The following EPB41L3 variants were observed in gnomAD, a reference collection of about 807,000 sequenced individuals.
EPB41L3 encodes the protein band 4.1-like protein 3.
In EPB41L3, 57 loss-of-function variants were observed where a neutral mutation model predicts 127.1. The observed-to-expected ratio is 0.45, with a 90% CI of 0.36 to 0.56. The LOEUF is 0.56. Ranked by LOEUF, EPB41L3 falls within the 20% of genes least tolerant of loss-of-function variation. The pLI is 0.00. For synonymous variants in EPB41L3, 572 were observed against 549.5 expected (o/e 1.04, Z -0.57); for missense variants, 1,273 against 1,372.2 (o/e 0.93, Z 1.14).
At chr18:5,514,769 C>G (rs1251038447) in intron 1 of EPB41L3, among the ~76,000 whole-genome samples, 2 of 152,160 alleles carry the variant, frequency 1.3e-5, no homozygotes, top group Non-Finnish European at 1.5e-5. Context: ...ATGTTTCTCA[C>G]TCCATATGTT....
In EPB41L3 at chr18:5,577,413, G is replaced by A. The variant is rs1191574833; in HGVS notation, c.-306+34927C>T. On this transcript the variant is annotated intron_variant, in intron 3 of 21. Coordinates refer to the EPB41L3 transcript ENST00000545076. The stretch of plus-strand genomic sequence containing the variant: ...GCAGTGCAGCAATTTCAAAGTTACT[G>A]TAGCATTGACTCTCCGGCTTCTATT... 6.8e-6 allele frequency: 3 copies of A among 438,256 alleles called. 1 individual carries two copies. Among genetic ancestry groups the A allele is most frequent in the South Asian group, 3.3e-5 (2 of 60,562 alleles). 27.1% of individuals were successfully genotyped at this position (438,256 alleles called of 1,614,324 possible).
chr18:5,488,946 G>T, intron 2 of EPB41L3, 55 bp downstream of exon 2: 2 of 1,514,662 alleles, frequency 1.3e-6, no homozygotes, highest in Non-Finnish European at 1.7e-6. Context: ...GGTTAAAGCC[G>T]ATCCTGGAGC....
Position 5,434,016 on chromosome 18 carries a change from G to A in EPB41L3, c.711C>T (p.Leu237=), listed in dbSNP as rs1291316787. 5 of 1,613,934 alleles carry A rather than the reference G, an allele frequency of 3.1e-6. No individual in the cohort carries two copies. Among genetic ancestry groups the A allele is most frequent in the African/African-American group, 1.3e-5 (1 of 74,858 alleles). Residue 237 remains leucine, a synonymous_variant, in exon 7 of 23, where the codon CTC becomes CTT. Coordinates refer to ENST00000341928, the MANE Select transcript of EPB41L3 (RefSeq NM_012307.5). ...CACATTCATCTGGGTCATAGTCTCC[G>A]AGCTCTGACTGGACAGTGTAGGAGC... is the stretch of plus-strand genomic sequence containing the variant. The part of the protein sequence containing the change: ...LLGSYTVQSE[L]GDYDPDECGS...
intron 3 of EPB41L3, among the ~76,000 whole-genome samples, chr18:5,461,362 T>G (rs1259851224): frequency 3.3e-5 from 5 of 152,314 alleles, no homozygotes; most frequent in Non-Finnish European, 7.4e-5. Context: ...AAACCATCAC[T>G]TATGTCTATA....
chr18:5,455,354 T>C (rs2082881080), intron 3 of EPB41L3, among the ~76,000 whole-genome samples: 1 of 152,224 alleles, frequency 6.6e-6, no homozygotes, highest in South Asian at 2.1e-4. Context: ...AAAAATAGTA[T>C]TGATATTAGT....
intron 1 of EPB41L3, among the ~76,000 whole-genome samples, chr18:5,500,206 AAGAGG>A (rs1408551016): frequency 6.6e-6 from 1 of 152,194 alleles, no homozygotes; most frequent in African/African-American, 2.4e-5. Context: ...CTAAAATCAA[AAGAGG>A]AGAGAGAAAA....
intron 1 of EPB41L3, chr18:5,529,077 G>A (rs930063892): frequency 5.3e-5 from 8 of 152,192 alleles, no homozygotes; most frequent in Non-Finnish European, 8.8e-5. Context: ...TTAAACAGCT[G>A]TCATCACTGC....
At chr18:5,517,657 C>T (rs1384484385) in intron 1 of EPB41L3, among the ~76,000 whole-genome samples, 4 of 152,060 alleles carry the variant, frequency 2.6e-5, no homozygotes, top group African/African-American at 9.7e-5. Flanking sequence ...AGGCTAGTCT[C>T]GAACTCCTGA....
In EPB41L3 at chr18:5,416,216, C is replaced by T. The variant is rs1242135727; in HGVS notation, c.1669G>A (p.Asp557Asn). The T allele has an allele frequency of 1.2e-6, 2 of 1,614,168 alleles. No homozygotes were observed. The highest frequency in any genetic ancestry group is 1.7e-6 in the Non-Finnish European group (2 of 1,180,034). ...AEHLPGEPAL[D>N]SDGPGRPYLG... ...TAAGGCCTCCCTGGGCCATCAGAGT[C>T]CAAGGCGGGCTCTCCAGGCAGGTGC... is the stretch of plus-strand genomic sequence containing the variant. The change falls in exon 13 of 23, where the codon GAC (aspartate) becomes AAC (asparagine). Residue 557 changes from aspartate to asparagine, a missense_variant. Asp to Asn is a conservative substitution (Grantham distance 23). This residue lies in a region of EPB41L3 where 765 missense variants were observed against 782.9 expected (regional missense o/e 0.98). Coordinates refer to ENST00000341928, the MANE Select transcript of EPB41L3 (RefSeq NM_012307.5).
At chr18:5,425,313 T>C (rs1198515870) in intron 9 of EPB41L3, among the ~76,000 whole-genome samples, 1 of 152,198 alleles carries the variant, frequency 6.6e-6, no homozygotes, top group Non-Finnish European at 1.5e-5. Context: ...ACATCACAAA[T>C]GCTTCAACCG....
chr18:5,619,179 TG>T (rs1488294896), intron 1 of EPB41L3, among the ~76,000 whole-genome samples: 1 of 150,918 alleles, frequency 6.6e-6, no homozygotes, highest in Non-Finnish European at 1.5e-5. Flanking sequence ...GCAGGGAAGG[TG>T]GGGGTTAGGA....
chr18:5,410,087 C>T (rs2076009766), intron 14 of EPB41L3, among the ~76,000 whole-genome samples: 1 of 152,016 alleles, frequency 6.6e-6, no homozygotes, highest in Non-Finnish European at 1.5e-5. Context: ...CTTATTTTAA[C>T]AATAATTATT....
At chr18:5,491,647 C>T (rs1232867928) in intron 1 of EPB41L3, among the ~76,000 whole-genome samples, 1 of 152,094 alleles carries the variant, frequency 6.6e-6, no homozygotes, top group African/African-American at 2.4e-5. Flanking sequence ...CAGCTCATAC[C>T]TCAAAATCAT....
In EPB41L3 at chr18:5,423,494, T is replaced by A. The variant is rs1436919640; in HGVS notation, c.1223A>T (p.Tyr408Phe). The A allele has an allele frequency of 6.2e-7, 1 of 1,613,752 alleles. No individual in the cohort carries two copies. Among genetic ancestry groups the A allele is most frequent in the Admixed American group, 1.7e-5 (1 of 60,016 alleles). ...CGTTTGCGCTTGTGTCCTGCCACTA[T>A]AACGAAACTTGGAACCCAAGGTTAG... The part of the protein sequence containing the change: ...KFLTLGSKFR[Y>F]SGRTQAQTRR... Residue 408 changes from tyrosine (Y) to phenylalanine (F), a missense_variant, in exon 11 of 23, where the codon TAT becomes TTT. Transcript: ENST00000341928.
intron 1 of EPB41L3, among the ~76,000 whole-genome samples, chr18:5,501,741 T>C (rs1444248175): frequency 6.6e-6 from 1 of 152,160 alleles, no homozygotes; most frequent in Non-Finnish European, 1.5e-5. Flanking sequence ...TCAATACAAA[T>C]GTGAGGCCAA....
chr18:5,416,987 G>A (rs947375357), intron 12 of EPB41L3, among the ~76,000 whole-genome samples: 24 of 152,060 alleles, frequency 1.6e-4, no homozygotes, highest in African/African-American at 5.1e-4. Flanking sequence ...TCAGGGATTC[G>A]ACAGTTAGCA....
At chr18:5,520,699 G>T (rs570937011) in intron 1 of EPB41L3, among the ~76,000 whole-genome samples, 4 of 152,262 alleles carry the variant, frequency 2.6e-5, no homozygotes, top group Non-Finnish European at 5.9e-5. Flanking sequence ...ATCATGAGGG[G>T]ATCATTAAAT....
At chr18:5,447,286 A>T (rs1311995350) in intron 3 of EPB41L3, among the ~76,000 whole-genome samples, 1 of 152,178 alleles carries the variant, frequency 6.6e-6, no homozygotes, top group Non-Finnish European at 1.5e-5. Flanking sequence ...CTGGTGGCTG[A>T]CAAACAGTAG....
intron 3 of EPB41L3, among the ~76,000 whole-genome samples, chr18:5,474,104 G>A (rs1375110826): frequency 2.6e-5 from 4 of 152,004 alleles, no homozygotes; most frequent in Admixed American, 6.6e-5. Flanking sequence ...GGTGGTGGGC[G>A]CCTGTAGTCC....
Sources: allele counts gnomAD v4.1 joint callset (sites outside exome capture counted in the v4.1 genomes callset), GRCh38; gene constraint gnomAD v4.1.1; regional missense constraint gnomAD v4.1.1; transcripts MANE v1.5; gene names NCBI Gene and HGNC (gene_info 2026-07-23, HGNC 2026-07-21).